RAB11FIP3: variants seen among roughly 807,000 people sequenced by gnomAD.
The protein encoded by RAB11FIP3 is RAB11 family interacting protein 3.
In RAB11FIP3, 17 loss-of-function variants were observed where a neutral mutation model predicts 77.8. The ratio of observed to expected loss-of-function variants is 0.22; its 90% confidence interval spans 0.15 to 0.33. The LOEUF (loss-of-function observed/expected upper bound fraction) is 0.33, where lower values mean the gene tolerates loss of function less well. Ranked by LOEUF, RAB11FIP3 falls within the 10% of genes least tolerant of loss-of-function variation. RAB11FIP3 has a pLI of 1.00. For missense variants in RAB11FIP3, 1,005 were observed against 1,011.2 expected, an observed-to-expected ratio of 0.99 and a Z score of 0.08; for synonymous variants, 437 against 448.2, an observed-to-expected ratio of 0.98 and a Z score of 0.31.
intron 1 of RAB11FIP3, among the ~76,000 whole-genome samples, chr16:432,405 G>A: frequency 6.6e-6 from 1 of 151,714 alleles, no homozygotes; most frequent in East Asian, 1.9e-4. Flanking sequence ...AAAACTAGTA[G>A]GTAAAATACT....
intron 3 of RAB11FIP3, among the ~76,000 whole-genome samples, chr16:480,406 A>G (rs1249603497): frequency 6.6e-6 from 1 of 151,838 alleles, no homozygotes; most frequent in Non-Finnish European, 1.5e-5. Context: ...CTCACTGCAA[A>G]ATCTGCGTCC....
rs2031832815 is a variant in RAB11FIP3, at chr16:505,647, C to T, written c.1499+20C>T. On this transcript the variant is annotated intron_variant, in intron 8 of 13. Coordinates refer to ENST00000262305, the MANE Select transcript of RAB11FIP3 (RefSeq NM_014700.4). This position sits in a 1 kb window ranked among gnomAD's most constrained non-coding sequence, Gnocchi z 4.0. ...GCACAGGTGAGCCTGGGCCAGGAGA[C>T]CCGGGCCTCTGCGTGGCGCCTCCTG... is the stretch of plus-strand genomic sequence containing the variant. The T allele has an allele frequency of 1.9e-6, 3 of 1,566,792 alleles. No individual in the cohort carries two copies. Among genetic ancestry groups the T allele is most frequent in the East Asian group, 4.6e-5 (2 of 43,704 alleles).
At chr16:441,633 T>C (rs2055228635) in intron 1 of RAB11FIP3, among the ~76,000 whole-genome samples, 1 of 152,138 alleles carries the variant, frequency 6.6e-6, no homozygotes, top group Admixed American at 6.5e-5. Flanking sequence ...TAGCCTGGAG[T>C]TGGTGCCAGC....
chr16:495,414 G>T (rs2031034583), intron 5 of RAB11FIP3, among the ~76,000 whole-genome samples: 1 of 152,234 alleles, frequency 6.6e-6, no homozygotes, highest in African/African-American at 2.4e-5. Context: ...CTATTCTGTT[G>T]CAGGACACTT....
chr16:513,411 G>A (rs2032271740), intron 9 of RAB11FIP3, among the ~76,000 whole-genome samples: 1 of 150,444 alleles, frequency 6.6e-6, no homozygotes. Context: ...TAGAGACGAG[G>A]TCTTGCTGTG....
intron 4 of RAB11FIP3, among the ~76,000 whole-genome samples, chr16:486,092 T>G (rs2056148109): frequency 6.6e-6 from 1 of 152,100 alleles, no homozygotes; most frequent in Non-Finnish European, 1.5e-5. Flanking sequence ...TTGGTAGAGA[T>G]AGGGTTTCGC....
chr16:512,513 T>C lies in RAB11FIP3; in HGVS notation c.1640+1713T>C, dbSNP rs1342206008. Among the ~76,000 whole-genome samples, 3 of 150,804 alleles carry C rather than the reference T, an allele frequency of 2.0e-5. No individual in the cohort carries two copies. In the East Asian group the frequency reaches 5.8e-4, roughly 29 times the overall value. ...CCTCGGCCTCCCAAAGTGCTGGGGT[T>C]ACAGGCATGAGCCATCGCGCCCGGC... is the stretch of plus-strand genomic sequence containing the variant. On this transcript the variant is annotated intron_variant, in intron 9 of 13. Transcript: ENST00000262305.
intron 1 of RAB11FIP3, among the ~76,000 whole-genome samples, chr16:447,178 C>G (rs924944870): frequency 6.6e-6 from 1 of 150,732 alleles, no homozygotes; most frequent in African/African-American, 2.4e-5. Context: ...GATGGTTTAC[C>G]CCTGTAGTTC....
chr16:431,100 G>A (rs2055027741), intron 1 of RAB11FIP3, among the ~76,000 whole-genome samples: 1 of 152,058 alleles, frequency 6.6e-6, no homozygotes, highest in Non-Finnish European at 1.5e-5. Flanking sequence ...AGTTACATAT[G>A]TGAGCTGGTG....
intron 1 of RAB11FIP3, among the ~76,000 whole-genome samples, chr16:458,773 C>G (rs527632368): frequency 6.6e-6 from 1 of 152,264 alleles, no homozygotes; most frequent in Non-Finnish European, 1.5e-5. Flanking sequence ...GAGTCTGCCC[C>G]CTCTGTGGCT....
At chr16:484,930 C>T (rs1339361396) in intron 4 of RAB11FIP3, among the ~76,000 whole-genome samples, 1 of 152,144 alleles carries the variant, frequency 6.6e-6, no homozygotes, top group Admixed American at 6.5e-5. Flanking sequence ...CTCCTGGGCT[C>T]CCTGACCTCA....
chr16:492,096 C>T (rs2030262449), intron 5 of RAB11FIP3, among the ~76,000 whole-genome samples: 1 of 152,250 alleles, frequency 6.6e-6, no homozygotes, highest in South Asian at 2.1e-4. Context: ...TGTCCCTGCC[C>T]CAGGGGGCTT....
At chr16:445,132 G>GA (rs926655716) in intron 1 of RAB11FIP3, among the ~76,000 whole-genome samples, 1 of 63,412 alleles carries the variant, frequency 1.6e-5, no homozygotes, top group Non-Finnish European at 3.2e-5. Flanking sequence ...AAAAAAAAAA[G>GA]AAAAAAAGAT....
chr16:491,926 G>A (rs544462829), intron 5 of RAB11FIP3, among the ~76,000 whole-genome samples: 1 of 152,352 alleles, frequency 6.6e-6, no homozygotes, highest in African/African-American at 2.4e-5. Flanking sequence ...AGAGGTGAGT[G>A]AGCATACAGG....
chr16:519,464 C>T (rs1211470145), intron 10 of RAB11FIP3, among the ~76,000 whole-genome samples: 4 of 152,244 alleles, frequency 2.6e-5, no homozygotes, highest in African/African-American at 4.8e-5. Flanking sequence ...AGGAGCCCGG[C>T]TGGAGGTGCC....
chr16:502,970 C>G, intron 6 of RAB11FIP3, 34 bp from the exon 7 acceptor site: 5 of 1,536,652 alleles, frequency 3.3e-6, no homozygotes, highest in Non-Finnish European at 4.5e-6. Context: ...TGGTTTTTCC[C>G]TTTCTTCCCT....
Position 488,869 on chromosome 16 carries a change from G to T in RAB11FIP3, c.1134G>T (p.Gln378His). The change falls in exon 5 of 14, where the codon CAG (glutamine) becomes CAT (histidine). Residue 378 changes from glutamine to histidine, a missense_variant. Physicochemically the swap from Gln to His is conservative, Grantham distance 24 (BLOSUM62 0). This residue lies in a region of RAB11FIP3 where 433 missense variants were observed against 436.1 expected (regional missense o/e 0.99). Transcript: ENST00000262305. ...LLPGRPHPHG[Q>H]SVITVIGGEE... ...TTTGCAGGCCTCACCCCCATGGCCA[G>T]TCTGTCATCACGGTGATCGGGGGCG... is the stretch of plus-strand genomic sequence containing the variant. 6.2e-7 allele frequency: 1 copy of T among 1,614,080 alleles called. No homozygotes were observed. The highest frequency in any genetic ancestry group is 8.5e-7 in the Non-Finnish European group (1 of 1,179,990).
At chr16:493,835 G>A (rs1015855409) in intron 5 of RAB11FIP3, among the ~76,000 whole-genome samples, 9 of 147,584 alleles carry the variant, frequency 6.1e-5, no homozygotes, top group South Asian at 2.3e-4. Context: ...CTCGTGATCC[G>A]CCCGCCTTGA....
chr16:473,079 A>C (rs1408369302), intron 3 of RAB11FIP3, among the ~76,000 whole-genome samples: 1 of 152,190 alleles, frequency 6.6e-6, no homozygotes, highest in Non-Finnish European at 1.5e-5. Flanking sequence ...AACTGAGAGG[A>C]TAAACTGGTG....
Sources: gnomAD v4.1 joint callset for allele counts (sites outside exome capture counted in the v4.1 genomes callset) on GRCh38, gnomAD v4.1.1 for gene constraint, gnomAD v4.1.1 regional missense constraint, Gnocchi (gnomAD v3.1) non-coding constraint, MANE v1.5 for transcripts, NCBI Gene and HGNC (gene_info 2026-07-23, HGNC 2026-07-21) for gene names.